Variants in SLC22A25 observed in about 807,000 individuals in gnomAD.
SLC22A25 encodes solute carrier family 22 member 25, also known as MGI:2442751, MGI:2385316, MGI:3042283, MGI:3645714, MGI:3605624, MGI:2442750.
Under a neutral mutation model 45.9 loss-of-function variants are expected in SLC22A25, and 44 were observed. The observed-to-expected ratio is 0.96, with a 90% CI of 0.75 to 1.23. The LOEUF (loss-of-function observed/expected upper bound fraction) is 1.23. Ranked by LOEUF, SLC22A25 falls within the 50% of genes most tolerant of loss-of-function variation. The pLI, the probability that SLC22A25 is intolerant of heterozygous loss-of-function variation, is 0.00. For synonymous variants in SLC22A25, 283 were observed against 238.6 expected, an observed-to-expected ratio of 1.19 and a Z score of -1.72; for missense variants, 800 against 666.4, an observed-to-expected ratio of 1.20 and a Z score of -2.21.
Position 63,225,047 on chromosome 11 carries a change from C to T in SLC22A25, c.506+3414G>A, listed in dbSNP as rs575338302. On this transcript the variant is annotated intron_variant, in intron 5 of 11. Coordinates refer to ENST00000306494, the MANE Select transcript of SLC22A25 (RefSeq NM_199352.6). Reference sequence around the variant, plus strand: ...CCAGGAGGCGGAGCTTGCAGTGAGCCGAGATTGTGCCACTGCACTCCAGCC... The same window carrying T: ...CCAGGAGGCGGAGCTTGCAGTGAGCTGAGATTGTGCCACTGCACTCCAGCC... Among the ~76,000 whole-genome samples the T allele has an allele frequency of 1.2e-3, 180 of 151,982 alleles. 2 individuals carry two copies. Among genetic ancestry groups the T allele is most frequent in the African/African-American group, 4.3e-3 (177 of 41,442 alleles).
chr11:63,186,989 G>T (rs979170091), intron 7 of SLC22A25, among the ~76,000 whole-genome samples: 2 of 152,094 alleles, frequency 1.3e-5, no homozygotes, highest in African/African-American at 4.8e-5. Flanking sequence ...GGTGCCTCCC[G>T]CTTTGTTCTT....
chr11:63,230,467 G>A (rs763490421), intron 3 of SLC22A25, among the ~76,000 whole-genome samples: 1 of 152,166 alleles, frequency 6.6e-6, no homozygotes, highest in Admixed American at 6.6e-5. Flanking sequence ...GTAAGATAGA[G>A]TACATAAACA....
intron 7 of SLC22A25, among the ~76,000 whole-genome samples, chr11:63,216,884 GA>G (rs761238490): frequency 2.0e-5 from 3 of 152,190 alleles, no homozygotes; most frequent in Non-Finnish European, 4.4e-5. Context: ...GAGCAGCAAT[GA>G]TTTTTTTAGT....
At chr11:63,217,205 A>T (rs2089733912) in intron 7 of SLC22A25, 109 bp downstream of exon 7, 2 of 1,262,112 alleles carry the variant, frequency 1.6e-6, no homozygotes, top group Non-Finnish European at 2.2e-6. Flanking sequence ...ACAGATTAGG[A>T]GAATGTACTC....
In SLC22A25 at chr11:63,217,620, C is replaced by A. The variant is rs745824728; in HGVS notation, c.622G>T (p.Ala208Ser). The A allele has an allele frequency of 1.5e-5, 25 of 1,613,776 alleles. No individual in the cohort carries two copies. Among genetic ancestry groups the A allele is most frequent in the Admixed American group, 3.3e-5 (2 of 59,876 alleles). ...TTTACAATGATGCTAAATGTAGCAG[C>A]CCCAGCCAAGAAGCGCAGGGAGCAG... ...VYCSLRFLAG[A>S]ATFSIIVNTV... Residue 208 changes from alanine (A) to serine (S), a missense_variant, in exon 6 of 12, where the codon GCT becomes TCT. Physicochemically the swap from Ala to Ser is moderately conservative, Grantham distance 99. Coordinates refer to ENST00000306494, the MANE Select transcript of SLC22A25 (RefSeq NM_199352.6).
intron 7 of SLC22A25, among the ~76,000 whole-genome samples, chr11:63,199,757 C>T (rs541264594): frequency 7.9e-5 from 12 of 151,902 alleles, no homozygotes; most frequent in African/African-American, 2.9e-4. Flanking sequence ...GCAAGACAAC[C>T]CTAAAAAAAC....
intron 9 of SLC22A25, among the ~76,000 whole-genome samples, chr11:63,179,439 G>C (rs1180592950): frequency 1.3e-5 from 2 of 152,026 alleles, no homozygotes; most frequent in Non-Finnish European, 2.9e-5. Context: ...AGAGATTCTG[G>C]GGACCTTCAA....
At chr11:63,222,690 T>A (rs554061966) in intron 5 of SLC22A25, among the ~76,000 whole-genome samples, 1 of 152,234 alleles carries the variant, frequency 6.6e-6, no homozygotes, top group Admixed American at 6.5e-5. Flanking sequence ...GGCATCCTTG[T>A]TGTGTTTCAG....
intron 5 of SLC22A25, among the ~76,000 whole-genome samples, chr11:63,224,847 C>CT (rs2089925443): frequency 1.3e-5 from 2 of 152,154 alleles, no homozygotes; most frequent in African/African-American, 2.4e-5. Context: ...CGCCTGTAAT[C>CT]CCAGCACTTT....
chr11:63,207,338 C>T (rs769739002), intron 7 of SLC22A25, among the ~76,000 whole-genome samples: 6 of 152,186 alleles, frequency 3.9e-5, no homozygotes, highest in Non-Finnish European at 8.8e-5. Context: ...AGGCAACCTT[C>T]AGAAGGGGAG....
intron 7 of SLC22A25, among the ~76,000 whole-genome samples, chr11:63,205,667 C>T (rs1413872740): frequency 6.6e-6 from 1 of 152,108 alleles, no homozygotes; most frequent in Non-Finnish European, 1.5e-5. Context: ...AATTAATAGC[C>T]TACCAACCAA....
chr11:63,185,759 G>A lies in SLC22A25; in HGVS notation c.831-1942C>T, dbSNP rs190684478. Among the ~76,000 whole-genome samples, 1,154 of 136,292 alleles carry A rather than the reference G, an allele frequency of 8.5e-3. 14 individuals are homozygous for A. The highest frequency in any genetic ancestry group is 0.029 in the African/African-American group (1,052 of 36,268). 89.4% of individuals were successfully genotyped at this position (136,292 alleles called of 152,430 possible). ...CTTCCTGTGTCCCTGTGATCTCGTTGTTCAATTCCCACCTATGAGTGAGAA... is the reference window on the plus strand; with the variant it reads ...CTTCCTGTGTCCCTGTGATCTCGTTATTCAATTCCCACCTATGAGTGAGAA... On this transcript the variant is annotated intron_variant, in intron 7 of 11. Coordinates refer to ENST00000306494, the MANE Select transcript of SLC22A25 (RefSeq NM_199352.6).
chr11:63,195,419 G>C lies in SLC22A25; in HGVS notation c.831-11602C>G, dbSNP rs532596855. On this transcript the variant is annotated intron_variant, in intron 7 of 11. Coordinates refer to ENST00000306494, the MANE Select transcript of SLC22A25 (RefSeq NM_199352.6). ...AACAAACTGTCTCTCAGACCACAGTGCAATCAAATTAGAACTCAGGATTAA... is the reference window on the plus strand; with the variant it reads ...AACAAACTGTCTCTCAGACCACAGTCCAATCAAATTAGAACTCAGGATTAA... Among the ~76,000 whole-genome samples the C allele has an allele frequency of 9.9e-4, 151 of 152,182 alleles. 3 individuals are homozygous for C. The highest frequency in any genetic ancestry group is 3.6e-3 in the African/African-American group (148 of 41,488).
chr11:63,184,407 A>G (rs1460622812), intron 7 of SLC22A25, among the ~76,000 whole-genome samples: 1 of 152,106 alleles, frequency 6.6e-6, no homozygotes, highest in East Asian at 1.9e-4. Flanking sequence ...TCTCTATCTG[A>G]ACTTTCTCTC....
chr11:63,229,749 T>C lies in SLC22A25; in HGVS notation c.-97A>G. 1 of 1,288,744 alleles carries C rather than the reference T, an allele frequency of 7.8e-7. No homozygotes were observed. Among genetic ancestry groups the C allele is most frequent in the South Asian group, 1.6e-5 (1 of 63,928 alleles). The allele number at this position is 1,288,744 out of a possible 1,614,324, so 79.8% of individuals were successfully genotyped here. A position where few individuals can be genotyped will look rare whatever the true frequency, so the allele number is the denominator to read the frequency against. ...TCCTTTCCTTAAATCACACTAAGTGTGTGTGTTGATCCTGACCCCACTCTC... is the reference window on the plus strand; with the variant it reads ...TCCTTTCCTTAAATCACACTAAGTGCGTGTGTTGATCCTGACCCCACTCTC... On this transcript the variant is annotated 5_prime_UTR_variant, in exon 4 of 12. Transcript: ENST00000306494.
intron 5 of SLC22A25, chr11:63,218,184 A>G (rs1202948777): frequency 2.4e-6 from 1 of 414,488 alleles, no homozygotes; most frequent in African/African-American, 2.0e-5. Flanking sequence ...GAATGAAATC[A>G]TGTCTTCTGC....
At chr11:63,170,509 C>T (rs890951260) in intron 9 of SLC22A25, among the ~76,000 whole-genome samples, 2 of 152,134 alleles carry the variant, frequency 1.3e-5, no homozygotes, top group African/African-American at 2.4e-5. Flanking sequence ...CACAGAAATA[C>T]AAACTACCGT....
At chr11:63,166,006 A>C in intron 10 of SLC22A25, 38 bp downstream of exon 10, 1 of 1,606,630 alleles carries the variant, frequency 6.2e-7, no homozygotes, top group Non-Finnish European at 8.5e-7. Flanking sequence ...AAAAGAGGGA[A>C]AGACATTTTC....
rs551206568 is a variant in SLC22A25 at position 63,241,956 on chromosome 11, A to G, written c.-996+1478T>C. Among the ~76,000 whole-genome samples, 13 of 152,352 alleles carry G rather than the reference A, an allele frequency of 8.5e-5. No individual in the cohort carries two copies. In the East Asian group the frequency reaches 2.5e-3, roughly 29 times the overall value. ...GGATATTACATTCAAACTCTGTCAA[A>G]CAGAAATGAGGTTTCTAAGAATCTT... is the stretch of plus-strand genomic sequence containing the variant. On this transcript the variant is annotated intron_variant, in intron 1 of 11. Transcript: ENST00000306494.
Sources: gnomAD v4.1 joint callset for allele counts (sites outside exome capture counted in the v4.1 genomes callset) on GRCh38, gnomAD v4.1.1 for gene constraint, MANE v1.5 for transcripts, NCBI Gene and HGNC (gene_info 2026-07-23, HGNC 2026-07-21) for gene names.